PCDH17: variants seen among roughly 807,000 people sequenced by gnomAD.
PCDH17 encodes the protein protocadherin 17, also known as protocadherin-17.
PCDH17 carries 21 observed loss-of-function variants against 67.7 expected under a neutral mutation model. The ratio of observed to expected loss-of-function variants is 0.31; its 90% confidence interval spans 0.22 to 0.45. The LOEUF is 0.45. Among genes scored for constraint, PCDH17 ranks in the 20% least tolerant of loss-of-function variants. The probability of loss-of-function intolerance (pLI) is 1.00; values close to 1 mark genes in which losing one functional copy is unlikely to be tolerated. For missense variants in PCDH17, 1,471 were observed against 1,564.8 expected, an observed-to-expected ratio of 0.94 and a Z score of 1.01; for synonymous variants, 701 against 656.7, an observed-to-expected ratio of 1.07 and a Z score of -1.03.
intron 1 of PCDH17, among the ~76,000 whole-genome samples, chr13:57,651,525 C>A (rs771627049): frequency 6.6e-6 from 1 of 151,584 alleles, no homozygotes; most frequent in African/African-American, 2.4e-5. Flanking sequence ...TTTTTTAGAG[C>A]TGGGGTTCTG....
chr13:57,693,516 T>C (rs971749650), intron 3 of PCDH17, among the ~76,000 whole-genome samples: 2 of 149,622 alleles, frequency 1.3e-5, no homozygotes, highest in African/African-American at 4.9e-5. Context: ...TATTTGGAAA[T>C]GATGCGTAAA....
At chr13:57,704,334 C>G (rs1396246010) in intron 3 of PCDH17, among the ~76,000 whole-genome samples, 1 of 152,044 alleles carries the variant, frequency 6.6e-6, no homozygotes, top group Admixed American at 6.6e-5. Flanking sequence ...ATCACAAAAT[C>G]TGCTTTCTAA....
chr13:57,693,281 T>C (rs1391222346), intron 3 of PCDH17, among the ~76,000 whole-genome samples: 10 of 144,052 alleles, frequency 6.9e-5, no homozygotes, highest in Non-Finnish European at 1.5e-5. Flanking sequence ...AAAAAAAATT[T>C]TTAAGAAACT....
intron 3 of PCDH17, among the ~76,000 whole-genome samples, chr13:57,676,783 C>T (rs139833801): frequency 6.6e-6 from 1 of 151,868 alleles, no homozygotes; most frequent in African/African-American, 2.4e-5. Context: ...CATTTCCAGC[C>T]AAGTATAATT....
At chr13:57,720,949 A>C (rs564659321) in intron 3 of PCDH17, among the ~76,000 whole-genome samples, 187 of 152,282 alleles carry the variant, frequency 1.2e-3, no homozygotes, top group Non-Finnish European at 2.2e-3. Flanking sequence ...AGTGATTCTT[A>C]ATACTAAACA....
chr13:57,719,287 A>G (rs953503988), intron 3 of PCDH17, among the ~76,000 whole-genome samples: 1 of 152,070 alleles, frequency 6.6e-6, no homozygotes, highest in African/African-American at 2.4e-5. Flanking sequence ...ATCTGTTTAC[A>G]AAACAGAAAT....
At position 57,633,468 on chromosome 13, in the gene PCDH17, A is replaced by C. The variant is rs1954761596; in HGVS notation, c.922A>C (p.Asn308His). 1 of 1,613,638 alleles carries C rather than the reference A, an allele frequency of 6.2e-7. No homozygotes were observed. Among genetic ancestry groups the C allele is most frequent in the Admixed American group, 1.7e-5 (1 of 60,002 alleles). Residue 308 changes from asparagine to histidine, a missense_variant, in exon 1 of 4, where the codon AAT becomes CAT. Transcript: ENST00000377918. The surrounding 1 kb of genome is among the most constrained non-coding windows in gnomAD (Gnocchi z 6.2). ...GACCGGCCTAATCCGTGTGAAGGGC[A>C]ATCTGGACTATGAGGAAAACGGGAT... ...PKTGLIRVKG[N>H]LDYEENGMLE... is the part of the protein sequence containing the mutation.
Position 57,634,332 on chromosome 13 carries a change from C to T in PCDH17, c.1786C>T (p.Gln596Ter), listed in dbSNP as rs1723865725. 4.3e-6 allele frequency: 7 copies of T among 1,612,732 alleles called. No individual in the cohort carries two copies. The highest frequency in any genetic ancestry group is 5.9e-6 in the Non-Finnish European group (7 of 1,180,032). Residue 596 changes from glutamine to a stop codon, truncating the protein, a stop_gained, in exon 1 of 4, where the codon CAG becomes TAG. Transcript: ENST00000377918. LOFTEE classifies it high-confidence loss of function. The surrounding 1 kb of genome is among the most constrained non-coding windows in gnomAD (Gnocchi z 7.8). ...PTLQNDTAELQVPRNAGLGYL... is the reference protein window; with the variant it reads ...PTLQNDTAEL ...GCTGCAGAACGACACCGCGGAGCTGCAGGTGCCGCGCAACGCTGGCCTGGG... is the reference window on the plus strand; with the variant it reads ...GCTGCAGAACGACACCGCGGAGCTGTAGGTGCCGCGCAACGCTGGCCTGGG...
At position 57,688,952 on chromosome 13, in the gene PCDH17, G is replaced by A. The variant is rs367633929; in HGVS notation, c.2797+22119G>A. 3.3e-5 allele frequency among the ~76,000 whole-genome samples: 5 copies of A among 152,020 alleles called. No individual in the cohort carries two copies. The East Asian group carries it at 7.8e-4, about 24-fold the overall frequency. ...TTCCACCATTGTAGCATTGGCATCC[G>A]TACTTGAATTCCACCAATCATTTTC... is the stretch of plus-strand genomic sequence containing the variant. On this transcript the variant is annotated intron_variant, in intron 3 of 3. Coordinates refer to ENST00000377918, the MANE Select transcript of PCDH17 (RefSeq NM_001040429.3).
intron 3 of PCDH17, among the ~76,000 whole-genome samples, chr13:57,690,418 G>A (rs1384250378): frequency 6.6e-6 from 1 of 151,620 alleles, no homozygotes; most frequent in Non-Finnish European, 1.5e-5. Flanking sequence ...TCATCTTACT[G>A]TAATAAAGAG....
At chr13:57,648,064 C>A (rs1355757366) in intron 1 of PCDH17, among the ~76,000 whole-genome samples, 1 of 151,778 alleles carries the variant, frequency 6.6e-6, no homozygotes, top group African/African-American at 2.4e-5. Context: ...TGTTAAATAT[C>A]CATTATTTAA....
intron 3 of PCDH17, among the ~76,000 whole-genome samples, chr13:57,689,735 T>A (rs529460147): frequency 6.6e-6 from 1 of 152,054 alleles, no homozygotes; most frequent in Non-Finnish European, 1.5e-5. Flanking sequence ...TATAAGCAAA[T>A]CCTTGACCCC....
chr13:57,675,292 G>A lies in PCDH17; in HGVS notation c.2797+8459G>A, dbSNP rs143103092. 1.5e-3 allele frequency among the ~76,000 whole-genome samples: 227 copies of A among 151,996 alleles called. 2 individuals are homozygous for A. The highest frequency in any genetic ancestry group is 6.8e-3 in the Middle Eastern group (2 of 294). On this transcript the variant is annotated intron_variant, in intron 3 of 3. Transcript: ENST00000377918. Reference sequence around the variant, plus strand: ...AATATCTCTATTTCTCTTATTTGTTGCTCATTGATTCTTTCCTTAGTGTTG... The same window carrying A: ...AATATCTCTATTTCTCTTATTTGTTACTCATTGATTCTTTCCTTAGTGTTG...
intron 1 of PCDH17, among the ~76,000 whole-genome samples, chr13:57,649,171 C>G (rs1566220465): frequency 6.6e-6 from 1 of 152,048 alleles, no homozygotes; most frequent in Non-Finnish European, 1.5e-5. Flanking sequence ...TTCCCAAATA[C>G]TTGGAAACTT....
rs575482029 is a variant in PCDH17 at position 57,693,929 on chromosome 13, C to G, written c.2797+27096C>G. ...AGGTTGCAGGAATACTTCCAACTTA[C>G]ACATTGTAGGTACATAAATCCAGCA... On this transcript the variant is annotated intron_variant, in intron 3 of 3. Coordinates refer to ENST00000377918, the MANE Select transcript of PCDH17 (RefSeq NM_001040429.3). Among the ~76,000 whole-genome samples the G allele has an allele frequency of 1.1e-4, 17 of 149,454 alleles. No individual in the cohort carries two copies. The South Asian group carries it at 3.6e-3, about 31-fold the overall frequency.
At chr13:57,690,144 T>G (rs573833239) in intron 3 of PCDH17, among the ~76,000 whole-genome samples, 51 of 151,870 alleles carry the variant, frequency 3.4e-4, no homozygotes, top group Non-Finnish European at 5.0e-4. Context: ...TATAATTATA[T>G]TTTTATATTT....
intron 3 of PCDH17, among the ~76,000 whole-genome samples, chr13:57,717,754 AT>A (rs1239252609): frequency 1.3e-5 from 2 of 152,082 alleles, no homozygotes; most frequent in African/African-American, 4.8e-5. Flanking sequence ...GCTCTCTGCT[AT>A]CAAAAGCAGA....
At chr13:57,702,091 T>C (rs1385899100) in intron 3 of PCDH17, among the ~76,000 whole-genome samples, 1 of 152,052 alleles carries the variant, frequency 6.6e-6, no homozygotes, top group Non-Finnish European at 1.5e-5. Flanking sequence ...TTAATTTTTG[T>C]ATTTTTAGTA....
intron 3 of PCDH17, among the ~76,000 whole-genome samples, chr13:57,719,702 A>G (rs1368737285): frequency 6.6e-6 from 1 of 151,984 alleles, no homozygotes; most frequent in Non-Finnish European, 1.5e-5. Flanking sequence ...TGAGAGCAAA[A>G]CAGAATAGAA....
Sources: gnomAD v4.1 joint callset for allele counts (sites outside exome capture counted in the v4.1 genomes callset) on GRCh38, gnomAD v4.1.1 for gene constraint, Gnocchi (gnomAD v3.1) non-coding constraint, MANE v1.5 for transcripts, NCBI Gene and HGNC (gene_info 2026-07-23, HGNC 2026-07-21) for gene names.